Variants in CSMD3 observed in about 807,000 individuals in gnomAD.
The protein encoded by CSMD3 is CUB and Sushi multiple domains 3, also known as CUB and sushi domain-containing protein 3.
A neutral mutation model predicts 435.2 loss-of-function variants in CSMD3; 177 were observed. That is an observed-to-expected ratio of 0.41 (90% confidence interval 0.36 to 0.46). The LOEUF is 0.46. Among genes scored for constraint, CSMD3 ranks in the 20% least tolerant of loss-of-function variants. The pLI is 0.34. For missense variants in CSMD3, 4,265 were observed against 4,504.6 expected (o/e 0.95, Z 1.52); for synonymous variants, 1,656 against 1,520.5 (o/e 1.09, Z -2.07).
At chr8:113,406,174 G>C (rs1288395655) in intron 1 of CSMD3, among the ~76,000 whole-genome samples, 1 of 151,824 alleles carries the variant, frequency 6.6e-6, no homozygotes, top group East Asian at 1.9e-4. Context: ...ATTAATTCTG[G>C]TTTGCAAATA....
chr8:113,243,869 C>T (rs1054257370), intron 3 of CSMD3, among the ~76,000 whole-genome samples: 2 of 152,072 alleles, frequency 1.3e-5, no homozygotes, highest in Non-Finnish European at 2.9e-5. Flanking sequence ...TGATGTTGAA[C>T]ATGTTTATGT....
At chr8:113,026,348 A>G (rs1041871693) in intron 5 of CSMD3, among the ~76,000 whole-genome samples, 1 of 152,190 alleles carries the variant, frequency 6.6e-6, no homozygotes, top group Non-Finnish European at 1.5e-5. Context: ...AGATTTCACC[A>G]CTTCCTTGTG....
rs183441345 is a variant in CSMD3, at chr8:113,306,722, T to C, written c.401+7849A>G. On this transcript the variant is annotated intron_variant, in intron 2 of 70. Transcript: ENST00000297405. ...TGTAGTGGCTGCTCAAAAACATTTA[T>C]GGGGATGCTGCCAACATTTTCTGAA... Among the ~76,000 whole-genome samples the C allele has an allele frequency of 6.2e-4, 94 of 152,234 alleles. No individual in the cohort carries two copies. In the East Asian group the frequency reaches 0.017, roughly 27 times the overall value.
chr8:112,949,505 C>T (rs2083733392), intron 8 of CSMD3, among the ~76,000 whole-genome samples: 1 of 151,996 alleles, frequency 6.6e-6, no homozygotes, highest in Non-Finnish European at 1.5e-5. Context: ...TTCCCTCATG[C>T]CTTGACAGAA....
At chr8:112,760,256 T>G (rs2077806084) in intron 13 of CSMD3, among the ~76,000 whole-genome samples, 2 of 152,202 alleles carry the variant, frequency 1.3e-5, no homozygotes, top group Admixed American at 1.3e-4. Context: ...TATGTACTTT[T>G]TATTCTTCAA....
At chr8:113,107,866 T>C (rs2090526992) in intron 4 of CSMD3, among the ~76,000 whole-genome samples, 1 of 152,214 alleles carries the variant, frequency 6.6e-6, no homozygotes, top group Admixed American at 6.5e-5. Context: ...TTGTTCATAT[T>C]ATATCTGTTA....
intron 14 of CSMD3, among the ~76,000 whole-genome samples, chr8:112,687,424 A>T (rs2076037350): frequency 6.6e-6 from 1 of 152,020 alleles, no homozygotes; most frequent in South Asian, 2.1e-4. Flanking sequence ...TTATTTTGTA[A>T]TTTTAGTATT....
At chr8:113,432,120 A>G (rs1486051776) in intron 1 of CSMD3, among the ~76,000 whole-genome samples, 2 of 152,080 alleles carry the variant, frequency 1.3e-5, no homozygotes, top group Non-Finnish European at 2.9e-5. Context: ...TACTCTTCCA[A>G]TGAGGGCGTG....
chr8:112,592,483 T>C (rs1586753297), intron 22 of CSMD3, among the ~76,000 whole-genome samples: 1 of 152,190 alleles, frequency 6.6e-6, no homozygotes, highest in South Asian at 2.1e-4. Context: ...AAAAGTTTCA[T>C]AGCTACTTTT....
At chr8:112,787,057 A>C (rs2511541) in intron 13 of CSMD3, among the ~76,000 whole-genome samples, 13,558 of 152,190 alleles carry the variant, frequency 0.089, 752 homozygotes, top group Middle Eastern at 0.27. Flanking sequence ...TGCAAAGGAC[A>C]TGAACTCATC....
chr8:112,365,786 A>T (rs1827731563), intron 38 of CSMD3, among the ~76,000 whole-genome samples: 1 of 152,126 alleles, frequency 6.6e-6, no homozygotes, highest in Admixed American at 6.5e-5. Flanking sequence ...AAGCCTGCAA[A>T]AGCACACCAT....
At chr8:113,254,474 G>A (rs2093363017) in intron 3 of CSMD3, among the ~76,000 whole-genome samples, 1 of 152,162 alleles carries the variant, frequency 6.6e-6, no homozygotes, top group Non-Finnish European at 1.5e-5. Flanking sequence ...GAACCCATCT[G>A]CATAATAAAA....
chr8:112,361,495 T>G (rs755860835), intron 38 of CSMD3, among the ~76,000 whole-genome samples: 3 of 149,468 alleles, frequency 2.0e-5, no homozygotes, highest in Non-Finnish European at 4.5e-5. Context: ...AGAAATGTTG[T>G]TAATCATATC....
intron 32 of CSMD3, among the ~76,000 whole-genome samples, chr8:112,437,927 A>C (rs1038305252): frequency 6.6e-6 from 1 of 152,004 alleles, no homozygotes; most frequent in Non-Finnish European, 1.5e-5. Context: ...GGTCCATTCT[A>C]TATTACCTAG....
At chr8:112,446,457 A>T (rs1372204939) in intron 32 of CSMD3, among the ~76,000 whole-genome samples, 2 of 152,238 alleles carry the variant, frequency 1.3e-5, no homozygotes, top group African/African-American at 4.8e-5. Flanking sequence ...CAGCCAAGTA[A>T]TTCTTATGAA....
At chr8:112,372,063 C>T (rs942377036) in intron 38 of CSMD3, among the ~76,000 whole-genome samples, 1 of 151,896 alleles carries the variant, frequency 6.6e-6, no homozygotes, top group South Asian at 2.1e-4. Flanking sequence ...AAAACATGAA[C>T]ACTGATGGGA....
chr8:113,108,155 GA>G, intron 4 of CSMD3, among the ~76,000 whole-genome samples: 1 of 152,080 alleles, frequency 6.6e-6, no homozygotes, highest in African/African-American at 2.4e-5. Flanking sequence ...TGAGGCTGGG[GA>G]TGGTGGCTCA....
chr8:112,890,095 CAGT>C (rs1334821369), intron 10 of CSMD3, among the ~76,000 whole-genome samples: 47 of 151,810 alleles, frequency 3.1e-4, no homozygotes, highest in African/African-American at 8.2e-4. Flanking sequence ...TACAGTGTCA[CAGT>C]AGTATACTGT....
intron 10 of CSMD3, among the ~76,000 whole-genome samples, chr8:112,859,947 C>T (rs550578721): frequency 2.6e-5 from 4 of 151,870 alleles, no homozygotes; most frequent in South Asian, 4.1e-4. Context: ...ATCTTTGCCC[C>T]GTTCTATCAA....
Sources: allele counts gnomAD v4.1 joint callset (sites outside exome capture counted in the v4.1 genomes callset), GRCh38; gene constraint gnomAD v4.1.1; transcripts MANE v1.5; gene names NCBI Gene and HGNC (gene_info 2026-07-23, HGNC 2026-07-21).